Variants in ANTXR2 observed in about 807,000 individuals in gnomAD.
ANTXR2 encodes the protein anthrax toxin receptor 2.
Under a neutral mutation model 73.7 loss-of-function variants are expected in ANTXR2, and 44 were observed. The ratio of observed to expected loss-of-function variants is 0.60; its 90% CI spans 0.47 to 0.77. The LOEUF (loss-of-function observed/expected upper bound fraction) is 0.77, where lower values mean the gene tolerates loss of function less well. Ranked by LOEUF, ANTXR2 falls within the 30% of genes least tolerant of loss-of-function variation. The pLI is 0.00. For missense variants in ANTXR2, 604 were observed against 592.5 expected (o/e 1.02, Z -0.20); for synonymous variants, 217 against 205.9 (o/e 1.05, Z -0.46).
intron 7 of ANTXR2, among the ~76,000 whole-genome samples, chr4:80,041,323 T>C (rs944422741): frequency 6.6e-6 from 1 of 152,208 alleles, no homozygotes; most frequent in East Asian, 1.9e-4. Context: ...GTGAAATGTA[T>C]CTGCCTGTTT....
At chr4:79,929,469 G>A (rs983725609) in intron 16 of ANTXR2, among the ~76,000 whole-genome samples, 9 of 152,056 alleles carry the variant, frequency 5.9e-5, no homozygotes, top group East Asian at 1.9e-4. Context: ...CCAAAATTGC[G>A]CCACTGCACT....
intron 3 of ANTXR2, among the ~76,000 whole-genome samples, chr4:80,068,715 T>G (rs1332675992): frequency 6.6e-6 from 1 of 152,168 alleles, no homozygotes; most frequent in East Asian, 1.9e-4. Context: ...GGGGCTGCAG[T>G]GAGCCAAGAT....
rs553854893 is a variant in ANTXR2, at chr4:80,048,663, T to C, written c.636+5609A>G. ...TTATCAGAGTGTTTATTAGGTTCCCTCTTCTATGAAAATGATTTGCCTTAA... is the reference window on the plus strand; with the variant it reads ...TTATCAGAGTGTTTATTAGGTTCCCCCTTCTATGAAAATGATTTGCCTTAA... On this transcript the variant is annotated intron_variant, in intron 7 of 16. Coordinates refer to ENST00000403729, the MANE Select transcript of ANTXR2 (RefSeq NM_058172.6). 2.0e-5 allele frequency among the ~76,000 whole-genome samples: 3 copies of C among 151,828 alleles called. No homozygotes were observed. The South Asian group carries it at 6.2e-4, about 31-fold the overall frequency.
At chr4:80,061,469 G>C (rs1248096534) in intron 3 of ANTXR2, among the ~76,000 whole-genome samples, 1 of 151,936 alleles carries the variant, frequency 6.6e-6, no homozygotes, top group Non-Finnish European at 1.5e-5. Context: ...TAGATTATTA[G>C]CCACAGACTT....
intron 9 of ANTXR2, 43 bp downstream of exon 9, chr4:80,033,429 C>T: frequency 1.4e-6 from 2 of 1,442,264 alleles, no homozygotes; most frequent in Non-Finnish European, 1.9e-6. Flanking sequence ...TGCTGATGTG[C>T]TTTGCAGAGA....
chr4:79,918,502 G>T (rs1396592127), intron 16 of ANTXR2, among the ~76,000 whole-genome samples: 1 of 151,984 alleles, frequency 6.6e-6, no homozygotes, highest in Non-Finnish European at 1.5e-5. Context: ...TGATAAGCAC[G>T]ACAGTTGACT....
intron 7 of ANTXR2, among the ~76,000 whole-genome samples, chr4:80,046,320 T>C (rs192813503): frequency 1.1e-3 from 162 of 151,886 alleles, no homozygotes; most frequent in African/African-American, 3.6e-3. Context: ...CAAAAATGCA[T>C]AGTTTGTGAT....
At chr4:79,963,111 A>C (rs1447977034) in intron 16 of ANTXR2, among the ~76,000 whole-genome samples, 2 of 152,180 alleles carry the variant, frequency 1.3e-5, no homozygotes, top group Non-Finnish European at 2.9e-5. Context: ...AGTGCCAAGC[A>C]CTGGGTGATT....
Position 79,906,350 on chromosome 4 carries a change from A to AT in ANTXR2, c.*1078dup, listed in dbSNP as rs976093012. On this transcript the variant is annotated 3_prime_UTR_variant, in exon 17 of 17. Coordinates refer to ENST00000403729, the MANE Select transcript of ANTXR2 (RefSeq NM_058172.6). ...AATAGGTCATTCAATGTCAAAAGGC[A>AT]TAAAAAAGATGAGCAAAATCTTCAC... 1.3e-5 allele frequency: 2 copies of AT among 152,610 alleles called. No homozygotes were observed. Among genetic ancestry groups the AT allele is most frequent in the Non-Finnish European group, 2.9e-5 (2 of 68,034 alleles). The allele number at this position is 152,610 out of a possible 1,614,324, so 9.5% of individuals were successfully genotyped here. A position where few individuals can be genotyped will look rare whatever the true frequency, so the allele number is the denominator to read the frequency against.
At chr4:79,987,391 C>T (rs192394108) in intron 12 of ANTXR2, among the ~76,000 whole-genome samples, 15 of 151,814 alleles carry the variant, frequency 9.9e-5, no homozygotes, top group Admixed American at 6.6e-4. Context: ...TCTCAAAACT[C>T]AAAGACTGCT....
intron 16 of ANTXR2, among the ~76,000 whole-genome samples, chr4:79,974,417 A>C (rs1444054637): frequency 2.0e-5 from 3 of 152,234 alleles, no homozygotes; most frequent in Non-Finnish European, 4.4e-5. Context: ...ATTTTAAAAA[A>C]GGCATAAATA....
chr4:79,955,783 T>C (rs1049327037), intron 16 of ANTXR2, among the ~76,000 whole-genome samples: 1 of 152,152 alleles, frequency 6.6e-6, no homozygotes, highest in Non-Finnish European at 1.5e-5. Flanking sequence ...AATGACAGTA[T>C]CGAGATCCCA....
chr4:80,046,821 A>G (rs1442116762), intron 7 of ANTXR2, among the ~76,000 whole-genome samples: 1 of 151,796 alleles, frequency 6.6e-6, no homozygotes, highest in African/African-American at 2.4e-5. Context: ...TGTCTTGAAC[A>G]CAGCCCAGTA....
rs755550984 is a variant in ANTXR2, at chr4:79,993,782, A to ACACACACACACACACACG, written c.1042-8920_1042-8919insCGTGTGTGTGTGTGTGTG. Reference sequence around the variant, plus strand: ...CACGCACACACACACACACACACACACATGCACTTTTTCTTTCAGAGGAGA... The same window carrying ACACACACACACACACACG: ...CACGCACACACACACACACACACACACACACACACACACACACGCATGCACTTTTTCTTTCAGAGGAGA... On this transcript the variant is annotated intron_variant, in intron 12 of 16. Coordinates refer to ENST00000403729, the MANE Select transcript of ANTXR2 (RefSeq NM_058172.6). 1.9e-3 allele frequency among the ~76,000 whole-genome samples: 295 copies of ACACACACACACACACACG among 151,518 alleles called. 1 individual carries two copies. The highest frequency in any genetic ancestry group is 4.0e-3 in the South Asian group (19 of 4,778).
At chr4:79,962,303 A>C (rs901653331) in intron 16 of ANTXR2, among the ~76,000 whole-genome samples, 13 of 152,230 alleles carry the variant, frequency 8.5e-5, no homozygotes, top group Non-Finnish European at 1.6e-4. Flanking sequence ...CACTCTCCTA[A>C]AACAGTCAGT....
chr4:79,910,230 G>T (rs192008374), intron 16 of ANTXR2, among the ~76,000 whole-genome samples: 1 of 152,268 alleles, frequency 6.6e-6, no homozygotes, highest in Non-Finnish European at 1.5e-5. Context: ...CATATTGTTG[G>T]CCGGGTGTGG....
At chr4:80,032,847 T>C (rs1732762424) in intron 9 of ANTXR2, among the ~76,000 whole-genome samples, 1 of 151,564 alleles carries the variant, frequency 6.6e-6, no homozygotes, top group African/African-American at 2.4e-5. Context: ...AAGTCAAAGG[T>C]AGGGAAAATT....
chr4:79,924,185 A>G, intron 16 of ANTXR2, among the ~76,000 whole-genome samples: 1 of 152,080 alleles, frequency 6.6e-6, no homozygotes, highest in Non-Finnish European at 1.5e-5. Context: ...TATTATTTCT[A>G]TCTTTATGTC....
intron 12 of ANTXR2, among the ~76,000 whole-genome samples, chr4:80,002,006 T>A (rs986178850): frequency 6.6e-6 from 1 of 152,076 alleles, no homozygotes; most frequent in African/African-American, 2.4e-5. Flanking sequence ...ATAGATTCAA[T>A]GCCATCCCCA....
Sources: allele counts gnomAD v4.1 joint callset (sites outside exome capture counted in the v4.1 genomes callset), GRCh38; gene constraint gnomAD v4.1.1; transcripts MANE v1.5; gene names NCBI Gene and HGNC (gene_info 2026-07-23, HGNC 2026-07-21).